RFX8: variants seen among roughly 807,000 people sequenced by gnomAD.
RFX8 encodes DNA-binding protein RFX8.
In RFX8, 46 loss-of-function variants were observed where a neutral mutation model predicts 54.6. The observed-to-expected ratio is 0.84, with a 90% CI of 0.67 to 1.08. The LOEUF is 1.08. Ranked by LOEUF, RFX8 falls within the 50% of genes least tolerant of loss-of-function variation. The probability of loss-of-function intolerance (pLI) is 0.00; values close to 1 mark genes in which losing one functional copy is unlikely to be tolerated. For synonymous variants in RFX8, 192 were observed against 209.5 expected, an observed-to-expected ratio of 0.92 and a Z score of 0.72; for missense variants, 536 against 562.3, an observed-to-expected ratio of 0.95 and a Z score of 0.47.
At chr2:101,474,092 T>G (rs1181551114) in intron 1 of RFX8, 1 of 511,476 alleles carries the variant, frequency 2.0e-6, no homozygotes, top group African/African-American at 2.0e-5. Flanking sequence ...GGGCCGCTCC[T>G]CACACCCGGC....
intron 2 of RFX8, among the ~76,000 whole-genome samples, chr2:101,424,760 G>C (rs1001962972): frequency 6.6e-6 from 1 of 152,032 alleles, no homozygotes; most frequent in East Asian, 1.9e-4. Context: ...GCAAACTATC[G>C]CAAGGACAGA....
intron 2 of RFX8, among the ~76,000 whole-genome samples, chr2:101,459,358 C>CT (rs1248592312): frequency 6.6e-5 from 10 of 152,214 alleles, no homozygotes; most frequent in Non-Finnish European, 1.3e-4. Flanking sequence ...TTTTATCTAC[C>CT]TTTGGTCTTT....
chr2:101,446,263 C>T (rs1051793318), intron 2 of RFX8, among the ~76,000 whole-genome samples: 16 of 152,190 alleles, frequency 1.1e-4, no homozygotes, highest in African/African-American at 3.9e-4. Flanking sequence ...GCAGCCTCCA[C>T]CTCCCAGGTT....
intron 2 of RFX8, among the ~76,000 whole-genome samples, chr2:101,464,338 C>T (rs979000132): frequency 1.3e-5 from 2 of 152,172 alleles, no homozygotes; most frequent in Non-Finnish European, 2.9e-5. Flanking sequence ...GTCAGCCTTC[C>T]GGAAATTCCC....
At chr2:101,467,236 G>A (rs555431506) in intron 1 of RFX8, among the ~76,000 whole-genome samples, 3 of 152,292 alleles carry the variant, frequency 2.0e-5, no homozygotes, top group Non-Finnish European at 4.4e-5. Context: ...AAAGGTTACA[G>A]CCAAGAGCTA....
intron 8 of RFX8, among the ~76,000 whole-genome samples, chr2:101,412,118 G>A (rs1239740608): frequency 6.6e-6 from 1 of 152,126 alleles, no homozygotes; most frequent in Non-Finnish European, 1.5e-5. Context: ...GACTTACCTG[G>A]GGCATCTTGG....
rs1477342489 is a variant in RFX8, at chr2:101,413,037, A to T, written c.596T>A (p.Val199Asp). The change falls in exon 8 of 12, where the codon GTC becomes GAC. Residue 199 changes from valine (V) to aspartate (D), a missense_variant. Physicochemically the swap from Val to Asp is radical, Grantham distance 152. Transcript: ENST00000428343. ...CTGTAGATCTGACTTCAAAACGCTG[A>T]CACGCCTCTTACTTTTCAATACCAT... ...MRMVLKSKRRVSVLKSDLQAI... is the reference protein window; with the variant it reads ...MRMVLKSKRRDSVLKSDLQAI... 1 of 1,552,194 alleles carries T rather than the reference A, an allele frequency of 6.4e-7. No homozygotes were observed. Among genetic ancestry groups the T allele is most frequent in the African/African-American group, 1.4e-5 (1 of 73,168 alleles).
At chr2:101,428,955 C>T in intron 2 of RFX8, 1 of 1,518,270 alleles carries the variant, frequency 6.6e-7, no homozygotes, top group East Asian at 2.4e-5. Flanking sequence ...TTAACACTCA[C>T]TGTTGCTTCT....
intron 2 of RFX8, among the ~76,000 whole-genome samples, chr2:101,461,863 A>G (rs1230905739): frequency 1.3e-5 from 2 of 152,168 alleles, no homozygotes; most frequent in African/African-American, 4.8e-5. Flanking sequence ...AAAAGTCCTC[A>G]CCTTATAACC....
chr2:101,441,116 G>A (rs1017543641), intron 2 of RFX8, among the ~76,000 whole-genome samples: 4 of 152,018 alleles, frequency 2.6e-5, no homozygotes, highest in Admixed American at 6.6e-5. Flanking sequence ...ACAGGCGCCC[G>A]CCACCACGGC....
chr2:101,451,960 GGA>G (rs1315784306), intron 2 of RFX8, among the ~76,000 whole-genome samples: 5 of 152,166 alleles, frequency 3.3e-5, no homozygotes, highest in African/African-American at 9.6e-5. Flanking sequence ...AGGCCTGGTG[GGA>G]CACACCTGCA....
intron 9 of RFX8, among the ~76,000 whole-genome samples, chr2:101,408,589 C>A (rs1263760544): frequency 1.3e-5 from 2 of 152,210 alleles, no homozygotes; most frequent in African/African-American, 4.8e-5. Context: ...AAGCCTTCAG[C>A]TAGCAAATGA....
At chr2:101,469,082 G>GTATATATATACGTATA (rs398104558) in intron 1 of RFX8, among the ~76,000 whole-genome samples, 1 of 49,288 alleles carries the variant, frequency 2.0e-5, no homozygotes, top group African/African-American at 1.2e-4. Flanking sequence ...ATATATAAGT[G>GTATATATATACGTATA]TATATATATA....
chr2:101,471,140 C>T (rs964148811), intron 1 of RFX8, among the ~76,000 whole-genome samples: 2 of 151,964 alleles, frequency 1.3e-5, no homozygotes, highest in East Asian at 2.0e-4. Flanking sequence ...TCAAGGCCAG[C>T]GTGGCTAACA....
intron 2 of RFX8, among the ~76,000 whole-genome samples, chr2:101,423,259 C>G (rs78735854): frequency 1.0e-5 from 1 of 97,004 alleles, no homozygotes; most frequent in African/African-American, 4.0e-5. Flanking sequence ...AACTCCATCT[C>G]AAAAAAAAAA....
chr2:101,434,467 A>C (rs749814442), intron 2 of RFX8, among the ~76,000 whole-genome samples: 7 of 152,200 alleles, frequency 4.6e-5, no homozygotes, highest in Non-Finnish European at 7.3e-5. Flanking sequence ...GGGAAGTATA[A>C]GACATCCACG....
rs1685714336 is a variant in RFX8, at chr2:101,406,048, T to C, written c.823A>G (p.Ser275Gly). 6.5e-7 allele frequency: 1 copy of C among 1,540,944 alleles called. No homozygotes were observed. The highest frequency in any genetic ancestry group is 8.8e-7 in the Non-Finnish European group (1 of 1,141,472). The change falls in exon 10 of 12, where the codon AGC becomes GGC. Residue 275 changes from serine to glycine, a missense_variant. By Grantham distance (56) the Ser-to-Gly change is moderately conservative (BLOSUM62 0). Transcript: ENST00000428343. ...LQAFVFQTSR[S>G]KEEFTKLAAS... ...GCCAATTTGGTAAACTCTTCTTTGC[T>C]TCTGCTTGTCTGTTAAGTTTTTGTG...
chr2:101,434,790 G>C (rs1558866514), intron 2 of RFX8: 1 of 152,208 alleles, frequency 6.6e-6, no homozygotes, highest in Non-Finnish European at 1.5e-5. Flanking sequence ...AAAACCATAG[G>C]GTGGACAAGG....
At chr2:101,467,851 G>T (rs1689663953) in intron 1 of RFX8, among the ~76,000 whole-genome samples, 1 of 151,672 alleles carries the variant, frequency 6.6e-6, no homozygotes, top group Admixed American at 6.6e-5. Context: ...TTTCCCGGTG[G>T]GACAGACCAT....
Sources: allele counts gnomAD v4.1 joint callset (sites outside exome capture counted in the v4.1 genomes callset), GRCh38; gene constraint gnomAD v4.1.1; transcripts MANE v1.5; gene names NCBI Gene and HGNC (gene_info 2026-07-23, HGNC 2026-07-21).